Variants in GPHN observed in about 807,000 individuals in gnomAD.
The protein encoded by GPHN is gephyrin.
A neutral mutation model predicts 95.5 loss-of-function variants in GPHN; 17 were observed. That is an observed-to-expected ratio of 0.18 (90% CI 0.12 to 0.27). GPHN has a LOEUF of 0.27. Among genes scored for constraint, GPHN ranks in the 10% least tolerant of loss-of-function variants. The pLI, the probability that GPHN is intolerant of heterozygous loss-of-function variation, is 1.00. For missense variants in GPHN, 660 were observed against 978.1 expected (o/e 0.67, Z 4.34); for synonymous variants, 320 against 322.5 (o/e 0.99, Z 0.08).
chr14:66,932,444 GTTTTTTTTTTTTTTTT>G lies in GPHN; in HGVS notation c.828+8173_828+8188del, dbSNP rs35159325. 8.3e-3 allele frequency among the ~76,000 whole-genome samples: 203 copies of G among 24,392 alleles called. 3 individuals are homozygous for G. Among genetic ancestry groups the G allele is most frequent in the African/African-American group, 0.028 (178 of 6,290 alleles). The allele number at this position is 24,392 out of a possible 152,430, so 16.0% of individuals were successfully genotyped here. A position where few individuals can be genotyped will look rare whatever the true frequency, so the allele number is the denominator to read the frequency against. On this transcript the variant is annotated intron_variant, in intron 8 of 22. Transcript: ENST00000478722. ...AGGTGGGGAATCCTGCCAAGACCAG[GTTTTTTTTTTTTTTTT>G]TTTTTTTTTTTTTTTTTTTTCAGTG...
the GPHN span, among the ~76,000 whole-genome samples, chr14:67,414,539 G>T: frequency 3.3e-5 from 5 of 152,194 alleles, no homozygotes. Flanking sequence ...CCTGGAGGCT[G>T]ATGTGGAAGG....
the GPHN span, chr14:67,301,362 A>G: frequency 6.5e-7 from 1 of 1,542,028 alleles, no homozygotes; most frequent in Non-Finnish European, 8.9e-7. Flanking sequence ...TAATCTAGGA[A>G]GAATAATCTT....
At chr14:67,516,682 A>G in the GPHN span, among the ~76,000 whole-genome samples, 102 of 152,344 alleles carry the variant, frequency 6.7e-4, no homozygotes, top group African/African-American at 2.3e-3. Context: ...CCTGGCCAGA[A>G]TATTCAAAGA....
rs925026686 is a variant in GPHN at position 66,840,560 on chromosome 14, A to G, written c.294+15994A>G. Among the ~76,000 whole-genome samples the G allele has an allele frequency of 1.1e-4, 17 of 152,166 alleles. 1 individual carries two copies. In the East Asian group the frequency reaches 2.7e-3, roughly 24 times the overall value. The stretch of plus-strand genomic sequence containing the variant: ...CCCAACTCTGCCAGACCGGTAGCAC[A>G]GAGGCAGCCACAGATGATGTAAATG... On this transcript the variant is annotated intron_variant, in intron 4 of 22. Coordinates refer to ENST00000478722, the MANE Select transcript of GPHN (RefSeq NM_020806.5).
At chr14:67,119,359 A>G (rs2078879340) in intron 16 of GPHN, among the ~76,000 whole-genome samples, 1 of 152,220 alleles carries the variant, frequency 6.6e-6, no homozygotes, top group African/African-American at 2.4e-5. Flanking sequence ...ATTCAGACAT[A>G]ATGTAATGAA....
chr14:66,719,472 G>A (rs910229497), intron 2 of GPHN, among the ~76,000 whole-genome samples: 1 of 152,174 alleles, frequency 6.6e-6, no homozygotes, highest in Non-Finnish European at 1.5e-5. Context: ...AGTTTGGGCA[G>A]TCACATTATC....
chr14:66,553,072 C>G lies in GPHN; in HGVS notation c.64+44481C>G, dbSNP rs112314644. ...GTGGCACGATCTTGGCTCACTGTAA[C>G]CTCCGCCTCCCAGGTTCAAGCGATT... On this transcript the variant is annotated intron_variant, in intron 1 of 22. Transcript: ENST00000478722. 4.7e-4 allele frequency among the ~76,000 whole-genome samples: 71 copies of G among 150,676 alleles called. 3 individuals are homozygous for G. The highest frequency in any genetic ancestry group is 1.7e-3 in the African/African-American group (68 of 40,392).
the GPHN span, among the ~76,000 whole-genome samples, chr14:67,280,263 T>G: frequency 3.3e-5 from 5 of 152,224 alleles, no homozygotes; most frequent in Admixed American, 1.3e-4. Context: ...ATCATTGAAT[T>G]TACTGCCTGC....
At chr14:67,498,979 TTTTA>T in the GPHN span, among the ~76,000 whole-genome samples, 6 of 146,622 alleles carry the variant, frequency 4.1e-5, no homozygotes, top group East Asian at 4.0e-4. Context: ...AAGGCAATGG[TTTTA>T]TTTATTTATT....
intron 3 of GPHN, among the ~76,000 whole-genome samples, chr14:66,784,729 C>G (rs1323610845): frequency 2.0e-5 from 3 of 151,856 alleles, no homozygotes; most frequent in Non-Finnish European, 1.5e-5. Flanking sequence ...GTATACAAAG[C>G]AATATACTCA....
the GPHN span, chr14:67,454,480 T>C: frequency 6.6e-6 from 1 of 152,234 alleles, no homozygotes; most frequent in Non-Finnish European, 1.5e-5. Flanking sequence ...GAATGTCAGC[T>C]GGGGCTTCCT....
intron 10 of GPHN, among the ~76,000 whole-genome samples, chr14:67,044,485 G>A (rs767966042): frequency 2.4e-4 from 37 of 152,074 alleles, no homozygotes; most frequent in Middle Eastern, 3.4e-3. Flanking sequence ...CCAATTTTTA[G>A]GAAGATGTAT....
chr14:67,370,824 A>G, the GPHN span, among the ~76,000 whole-genome samples: 293 of 151,688 alleles, frequency 1.9e-3, no homozygotes, highest in African/African-American at 7.0e-3. Context: ...CCAGGAGTTC[A>G]AGACCAGCCT....
the GPHN span, chr14:67,336,760 A>AAAC: frequency 1.1e-5 from 5 of 455,974 alleles, no homozygotes; most frequent in South Asian, 7.7e-5. Flanking sequence ...ACGAAATGTT[A>AAAC]AACAGTTACC....
chr14:67,584,156 C>A, the GPHN span: 1 of 1,603,488 alleles, frequency 6.2e-7, no homozygotes, highest in Non-Finnish European at 8.5e-7. Flanking sequence ...TGCCCACACC[C>A]TTAGGTGTGT....
chr14:67,409,750 G>A, the GPHN span, among the ~76,000 whole-genome samples: 721 of 152,204 alleles, frequency 4.7e-3, 7 homozygotes, highest in African/African-American at 0.017. Flanking sequence ...CTGCACTCCG[G>A]CTTCCAACGC....
intron 3 of GPHN, among the ~76,000 whole-genome samples, chr14:66,809,556 T>C (rs1477380785): frequency 1.3e-5 from 2 of 152,072 alleles, no homozygotes; most frequent in East Asian, 3.8e-4. Context: ...AGTCCCTGAG[T>C]TAAGGAATTC....
intron 11 of GPHN, among the ~76,000 whole-genome samples, chr14:67,061,537 C>A (rs555278070): frequency 6.6e-6 from 1 of 152,288 alleles, no homozygotes; most frequent in South Asian, 2.1e-4. Context: ...CTTAACATGT[C>A]ATGAAAGGCC....
At chr14:67,463,127 G>A in the GPHN span, among the ~76,000 whole-genome samples, 2 of 152,208 alleles carry the variant, frequency 1.3e-5, no homozygotes, top group Admixed American at 1.3e-4. Flanking sequence ...AATGCCCAGA[G>A]GCAATGCCCA....
Sources: allele counts gnomAD v4.1 joint callset (sites outside exome capture counted in the v4.1 genomes callset), GRCh38; gene constraint gnomAD v4.1.1; transcripts MANE v1.5; gene names NCBI Gene and HGNC (gene_info 2026-07-23, HGNC 2026-07-21).